The following DZIP3 variants were observed in gnomAD, a reference collection of about 807,000 sequenced individuals.
DZIP3 encodes the protein DAZ interacting zinc finger protein 3.
A neutral mutation model predicts 162.0 loss-of-function variants in DZIP3; 118 were observed. The ratio of observed to expected loss-of-function variants is 0.73; its 90% CI spans 0.63 to 0.85. The LOEUF (loss-of-function observed/expected upper bound fraction) is 0.85, where lower values mean the gene tolerates loss of function less well. Ranked by LOEUF, DZIP3 falls within the 40% of genes least tolerant of loss-of-function variation. DZIP3 has a pLI of 0.00. For missense variants in DZIP3, 1,331 were observed against 1,407.0 expected (o/e 0.95, Z 0.86); for synonymous variants, 438 against 458.6 (o/e 0.96, Z 0.57).
chr3:108,683,368 A>G (rs899058061), intron 26 of DZIP3, among the ~76,000 whole-genome samples: 15 of 152,166 alleles, frequency 9.9e-5, no homozygotes, highest in African/African-American at 3.4e-4. Flanking sequence ...CAGTCTATCC[A>G]TTGTAAAGTT....
intron 26 of DZIP3, among the ~76,000 whole-genome samples, chr3:108,680,667 A>T (rs1944273228): frequency 1.3e-5 from 2 of 152,146 alleles, no homozygotes; most frequent in South Asian, 4.1e-4. Flanking sequence ...CATCATATTC[A>T]TGGATAAGAA....
intron 26 of DZIP3, among the ~76,000 whole-genome samples, chr3:108,682,354 C>A (rs1046471889): frequency 1.3e-5 from 2 of 150,942 alleles, no homozygotes; most frequent in African/African-American, 5.0e-5. Flanking sequence ...TTTACCATTG[C>A]TAAGATATGT....
At chr3:108,610,371 G>A (rs1940635371) in intron 3 of DZIP3, among the ~76,000 whole-genome samples, 1 of 152,168 alleles carries the variant, frequency 6.6e-6, no homozygotes, top group Non-Finnish European at 1.5e-5. Context: ...ACCTAGGGGA[G>A]AGAAGGGCAA....
chr3:108,691,107 C>T, intron 32 of DZIP3: 1 of 511,668 alleles, frequency 2.0e-6, no homozygotes, highest in Non-Finnish European at 3.5e-6. Flanking sequence ...TTAATAGTTA[C>T]ACTATATATG....
At chr3:108,634,833 C>T (rs1317074013) in intron 9 of DZIP3, 38 bp from the exon 10 acceptor site, 3 of 1,343,372 alleles carry the variant, frequency 2.2e-6, no homozygotes, top group South Asian at 2.5e-5. Flanking sequence ...CAAGAATCAC[C>T]ATGTCCTTAT....
intron 27 of DZIP3, 56 bp downstream of exon 27, chr3:108,684,397 G>C: frequency 1.3e-6 from 2 of 1,568,472 alleles, no homozygotes; most frequent in Non-Finnish European, 8.6e-7. Flanking sequence ...ACTCTAGTGG[G>C]CTTCCTGAAT....
At chr3:108,598,773 T>C (rs2107446925) in intron 1 of DZIP3, among the ~76,000 whole-genome samples, 1 of 152,344 alleles carries the variant, frequency 6.6e-6, no homozygotes, top group South Asian at 2.1e-4. Context: ...TTGCTGAAAA[T>C]ATTCCACCTT....
intron 20 of DZIP3, 52 bp from the exon 21 acceptor site, chr3:108,662,078 A>G (rs888446818): frequency 8.9e-6 from 14 of 1,567,120 alleles, no homozygotes; most frequent in East Asian, 2.3e-5. Flanking sequence ...TTTTCTTTCA[A>G]TTTCTGGTGA....
At chr3:108,636,784 C>T (rs1302982470) in intron 11 of DZIP3, 76 bp downstream of exon 11, 6 of 1,016,352 alleles carry the variant, frequency 5.9e-6, no homozygotes, top group Non-Finnish European at 8.8e-6. Context: ...TTGAAACAGA[C>T]CTGGGGATCA....
chr3:108,678,572 T>G (rs1175434146), intron 26 of DZIP3, among the ~76,000 whole-genome samples: 1 of 152,120 alleles, frequency 6.6e-6, no homozygotes, highest in Non-Finnish European at 1.5e-5. Flanking sequence ...GCCCCTTCTC[T>G]GCTTGTTGTT....
intron 21 of DZIP3, among the ~76,000 whole-genome samples, chr3:108,665,653 G>T (rs1943637337): frequency 6.6e-6 from 1 of 152,090 alleles, no homozygotes; most frequent in Non-Finnish European, 1.5e-5. Flanking sequence ...TCAAATCCAT[G>T]CTAAGACACA....
chr3:108,688,143 C>T, intron 29 of DZIP3, 47 bp downstream of exon 29: 2 of 1,602,894 alleles, frequency 1.2e-6, no homozygotes, highest in Non-Finnish European at 1.7e-6. Context: ...CTGCCCTTAA[C>T]TCTAGTAGTT....
Position 108,644,163 on chromosome 3 carries a change from G to A in DZIP3, c.1142-1G>A, listed in dbSNP as rs770762582. The stretch of plus-strand genomic sequence containing the variant: ...CTTGACTTCTCAAAATTTATTTTCA[G>A]ATGAAATGCCTATCTTCAAGCTTGA... On this transcript the variant is annotated splice_acceptor_variant, in intron 13 of 32. Transcript: ENST00000361582. LOFTEE classifies it high-confidence loss of function. The A allele has an allele frequency of 7.6e-6, 12 of 1,583,176 alleles. No individual in the cohort carries two copies. In the South Asian group the frequency reaches 9.3e-5, roughly 12 times the overall value.
intron 18 of DZIP3, among the ~76,000 whole-genome samples, chr3:108,653,507 G>GTGTGTATATA (rs1273159630): frequency 7.2e-4 from 75 of 104,594 alleles, no homozygotes; most frequent in Non-Finnish European, 9.0e-4. Flanking sequence ...GTGTGTGTGT[G>GTGTGTATATA]TATATATATA....
At chr3:108,652,847 T>C (rs1315471652) in intron 18 of DZIP3, among the ~76,000 whole-genome samples, 1 of 151,948 alleles carries the variant, frequency 6.6e-6, no homozygotes, top group Non-Finnish European at 1.5e-5. Flanking sequence ...AGTAATATGC[T>C]GTAACAGGTT....
At position 108,624,470 on chromosome 3, in the gene DZIP3, T is replaced by G; in HGVS notation, c.402T>G (p.Tyr134Ter). 7 of 1,597,960 alleles carry G rather than the reference T, an allele frequency of 4.4e-6. No individual in the cohort carries two copies. The highest frequency in any genetic ancestry group is 6.0e-6 in the Non-Finnish European group (7 of 1,169,350). ...CACACCAGATTAATATTGGTTATTA[T>G]TTGACATTACTGTTTTTATATGGAG... ...YTAHQINIGYYLTLLFLYGVA... is the reference protein window; with the variant it reads ...YTAHQINIGY Residue 134 changes from tyrosine (Y) to a stop codon, truncating the protein, a stop_gained, in exon 6 of 33, where the codon TAT (tyrosine) becomes TAG (stop). Transcript: ENST00000361582. LOFTEE classifies it high-confidence loss of function.
chr3:108,644,626 A>T lies in DZIP3; in HGVS notation c.1604A>T (p.Asp535Val). Residue 535 changes from aspartate to valine, a missense_variant, in exon 14 of 33, where the codon GAT (aspartate) becomes GTT (valine). Coordinates refer to ENST00000361582, the MANE Select transcript of DZIP3 (RefSeq NM_014648.4). Reference sequence around the variant, plus strand: ...AATTCAATTTGGAAAAAAGTTTCAGATATTCTTCTGCGCCTTGGGATGATG... The same window carrying T: ...AATTCAATTTGGAAAAAAGTTTCAGTTATTCTTCTGCGCCTTGGGATGATG... ...QFNSIWKKVSDILLRLGMMQE... is the reference protein window; with the variant it reads ...QFNSIWKKVSVILLRLGMMQE... The T allele has an allele frequency of 6.2e-7, 1 of 1,614,066 alleles. No individual in the cohort carries two copies. Among genetic ancestry groups the T allele is most frequent in the Non-Finnish European group, 8.5e-7 (1 of 1,179,946 alleles).
At chr3:108,615,665 G>A (rs946527240) in intron 4 of DZIP3, among the ~76,000 whole-genome samples, 5 of 152,156 alleles carry the variant, frequency 3.3e-5, no homozygotes, top group Non-Finnish European at 7.4e-5. Context: ...AAGCCGTTGT[G>A]GGTAGAAAAC....
chr3:108,662,107 AAAT>A lies in DZIP3; in HGVS notation c.2296-18_2296-16del, dbSNP rs746691884. The stretch of plus-strand genomic sequence containing the variant: ...CTGGTGACTTGAACATAATTATCTG[AAAT>A]AATATTTTTTATTGATCAGGATTTC... On this transcript the variant is annotated intron_variant, in intron 20 of 32. Coordinates refer to ENST00000361582, the MANE Select transcript of DZIP3 (RefSeq NM_014648.4). 4 of 1,577,714 alleles carry A rather than the reference AAAT, an allele frequency of 2.5e-6. No homozygotes were observed. The highest frequency in any genetic ancestry group is 1.4e-5 in the African/African-American group (1 of 72,754).
Sources: allele counts gnomAD v4.1 joint callset (sites outside exome capture counted in the v4.1 genomes callset), GRCh38; gene constraint gnomAD v4.1.1; transcripts MANE v1.5; gene names NCBI Gene and HGNC (gene_info 2026-07-23, HGNC 2026-07-21).